The following ITPKC variants were observed in gnomAD, a reference collection of about 807,000 sequenced individuals.
ITPKC encodes the protein IP3 3-kinase C.
Under a neutral mutation model 67.1 loss-of-function variants are expected in ITPKC, and 33 were observed. The ratio of observed to expected loss-of-function variants is 0.49; its 90% CI spans 0.37 to 0.66. ITPKC has a LOEUF of 0.66. Among genes scored for constraint, ITPKC ranks in the 30% least tolerant of loss-of-function variants. The pLI is 0.00. For synonymous variants in ITPKC, 341 were observed against 359.8 expected, an observed-to-expected ratio of 0.95 and a Z score of 0.59; for missense variants, 820 against 892.1, an observed-to-expected ratio of 0.92 and a Z score of 1.03.
chr19:40,718,970 G>A (rs1042681006), intron 1 of ITPKC, among the ~76,000 whole-genome samples: 3 of 152,140 alleles, frequency 2.0e-5, no homozygotes, highest in African/African-American at 7.2e-5. Flanking sequence ...CCCAGCTTGG[G>A]TGTGGCTCTC....
chr19:40,727,804 CA>C (rs533383163), intron 2 of ITPKC, among the ~76,000 whole-genome samples: 344 of 152,274 alleles, frequency 2.3e-3, no homozygotes, highest in Non-Finnish European at 3.5e-3. Flanking sequence ...AATGGGAGAG[CA>C]ATCTATTTTT....
intron 6 of ITPKC, among the ~76,000 whole-genome samples, chr19:40,738,931 G>A (rs1032550899): frequency 2.0e-5 from 3 of 152,128 alleles, no homozygotes; most frequent in African/African-American, 7.2e-5. Flanking sequence ...TGCGGATACA[G>A]CATAGACTTG....
At chr19:40,735,817 A>G (rs557596565) in intron 4 of ITPKC, among the ~76,000 whole-genome samples, 1 of 152,288 alleles carries the variant, frequency 6.6e-6, no homozygotes, top group South Asian at 2.1e-4. Flanking sequence ...ATAACAGATA[A>G]CATTAGTCTC....
chr19:40,739,823 G>C lies in ITPKC; in HGVS notation c.*263G>C, dbSNP rs1471233725. 1 of 530,116 alleles carries C rather than the reference G, an allele frequency of 1.9e-6. No individual in the cohort carries two copies. The highest frequency in any genetic ancestry group is 3.4e-6 in the Non-Finnish European group (1 of 295,356). 32.8% of individuals were successfully genotyped at this position (530,116 alleles called of 1,614,324 possible). On this transcript the variant is annotated 3_prime_UTR_variant, in exon 7 of 7. Transcript: ENST00000263370. ...AGTGAGTCAGAAAAACCAGAACGGGGTCCCCGGATCTGCCGGGAAGGCTTC... is the reference window on the plus strand; with the variant it reads ...AGTGAGTCAGAAAAACCAGAACGGGCTCCCCGGATCTGCCGGGAAGGCTTC...
At chr19:40,738,016 G>A (rs1313611956) in intron 6 of ITPKC, among the ~76,000 whole-genome samples, 5 of 151,132 alleles carry the variant, frequency 3.3e-5, no homozygotes, top group South Asian at 2.1e-4. Context: ...AAAAAAGGCC[G>A]GGTGCAGTGG....
rs748790738 is a variant in ITPKC, at chr19:40,736,970, A to G, written c.1675-16A>G. 2 of 1,542,510 alleles carry G rather than the reference A, an allele frequency of 1.3e-6. No homozygotes were observed. Among genetic ancestry groups the G allele is most frequent in the Non-Finnish European group, 1.8e-6 (2 of 1,131,182 alleles). Reference sequence around the variant, plus strand: ...GAAAAGCCCATGACCCTGCCCCTCCACACCCTGCCCTACAGAAGGCAGATG... The same window carrying G: ...GAAAAGCCCATGACCCTGCCCCTCCGCACCCTGCCCTACAGAAGGCAGATG... On this transcript the variant is annotated splice_polypyrimidine_tract_variant and intron_variant, in intron 4 of 6. Coordinates refer to ENST00000263370, the MANE Select transcript of ITPKC (RefSeq NM_025194.3).
chr19:40,733,138 G>C (rs949615900), intron 3 of ITPKC, 22 bp from the exon 4 acceptor site: 5 of 1,609,248 alleles, frequency 3.1e-6, no homozygotes, highest in Non-Finnish European at 4.3e-6. Flanking sequence ...AATTTCCTTT[G>C]TCACATCCTC....
At chr19:40,731,595 GTTTTTT>G (rs776003885) in intron 3 of ITPKC, among the ~76,000 whole-genome samples, 3 of 81,080 alleles carry the variant, frequency 3.7e-5, no homozygotes, top group Admixed American at 1.5e-4. Flanking sequence ...CCAATCCTTG[GTTTTTT>G]TTTTTTTTTT....
At position 40,739,340 on chromosome 19, in the gene ITPKC, C is replaced by T. The variant is rs779073193; in HGVS notation, c.1849-17C>T. 15 of 1,608,432 alleles carry T rather than the reference C, an allele frequency of 9.3e-6. No homozygotes were observed. Among genetic ancestry groups the T allele is most frequent in the Admixed American group, 3.3e-5 (2 of 59,930 alleles). On this transcript the variant is annotated splice_polypyrimidine_tract_variant and intron_variant, in intron 6 of 6. Transcript: ENST00000263370. Reference sequence around the variant, plus strand: ...AGTGCCTGCTCCTCCCTTAACCTCCCGTCTCTACCCCGGCAGGTGGTAGGC... The same window carrying T: ...AGTGCCTGCTCCTCCCTTAACCTCCTGTCTCTACCCCGGCAGGTGGTAGGC...
chr19:40,740,111 C>G lies in ITPKC; in HGVS notation c.*551C>G, dbSNP rs2082317490. The G allele has an allele frequency of 1.9e-5, 3 of 155,860 alleles. No homozygotes were observed. Among genetic ancestry groups the G allele is most frequent in the Admixed American group, 1.9e-4 (3 of 15,844 alleles). 9.7% of individuals were successfully genotyped at this position (155,860 alleles called of 1,614,324 possible). On this transcript the variant is annotated 3_prime_UTR_variant, in exon 7 of 7. Coordinates refer to ENST00000263370, the MANE Select transcript of ITPKC (RefSeq NM_025194.3). ...AGGGAGCCATTTGAGTGCTGAGCGA[C>G]AAGAGGCTCAGAGGGCATGACCCCA...
intron 6 of ITPKC, among the ~76,000 whole-genome samples, chr19:40,738,221 G>T (rs903527969): frequency 5.9e-5 from 9 of 152,122 alleles, no homozygotes; most frequent in African/African-American, 2.2e-4. Context: ...GAGGTCAGGA[G>T]ATCGAGACCA....
chr19:40,725,253 C>T, intron 1 of ITPKC, 87 bp from the exon 2 acceptor site: 2 of 796,984 alleles, frequency 2.5e-6, no homozygotes, highest in South Asian at 1.5e-5. Context: ...GACTGCAGGT[C>T]CCCTTTCGTT....
rs150721845 is a variant in ITPKC at position 40,718,162 on chromosome 19, C to T, written c.1027C>T (p.Pro343Ser). 1 of 1,595,458 alleles carries T rather than the reference C, an allele frequency of 6.3e-7. No individual in the cohort carries two copies. Among genetic ancestry groups the T allele is most frequent in the Non-Finnish European group, 8.5e-7 (1 of 1,171,168 alleles). Reference sequence around the variant, plus strand: ...TGAGACCCCTGAGCCTGAGGCCCAGCCAGTGGGACCCCCCTCCCGGGTTGA... The same window carrying T: ...TGAGACCCCTGAGCCTGAGGCCCAGTCAGTGGGACCCCCCTCCCGGGTTGA... ...TPETPEPEAQPVGPPSRVEGG... is the reference protein window; with the variant it reads ...TPETPEPEAQSVGPPSRVEGG... Residue 343 changes from proline (P) to serine (S), a missense_variant, in exon 1 of 7, where the codon CCA (proline) becomes TCA (serine). Around this residue, in one of 2 missense-constraint regions of ITPKC, gnomAD observed 481 missense variants for 470.1 expected, o/e 1.02. Transcript: ENST00000263370.
intron 5 of ITPKC, 111 bp from the exon 6 acceptor site, chr19:40,737,587 C>T: frequency 4.3e-6 from 4 of 931,814 alleles, no homozygotes; most frequent in Non-Finnish European, 7.1e-6. Flanking sequence ...CTATTCCATC[C>T]TGGCTAGAGC....
Position 40,740,010 on chromosome 19 carries a change from G to T in ITPKC, c.*450G>T. The T allele has an allele frequency of 5.5e-6, 1 of 180,402 alleles. No individual in the cohort carries two copies. 11.2% of individuals were successfully genotyped at this position (180,402 alleles called of 1,614,324 possible). A position where few individuals can be genotyped will look rare whatever the true frequency, so the allele number is the denominator to read the frequency against. On this transcript the variant is annotated 3_prime_UTR_variant, in exon 7 of 7. Coordinates refer to ENST00000263370, the MANE Select transcript of ITPKC (RefSeq NM_025194.3). ...GGTCAGGCTCATCTGTGGCGCCTCA[G>T]AGGGTCAGCATCATTGGTGAACAGA... is the stretch of plus-strand genomic sequence containing the variant.
At position 40,737,800 on chromosome 19, in the gene ITPKC, A is replaced by G. The variant is rs369988625; in HGVS notation, c.1848+31A>G. On this transcript the variant is annotated intron_variant, in intron 6 of 6. Transcript: ENST00000263370. ...AGCCCTGGCTTCCATGGGTGGATGT[A>G]TGGGTGTCGGGGTCCAGGTGCATGG... The G allele has an allele frequency of 6.3e-5, 99 of 1,578,486 alleles. No homozygotes were observed. In the African/African-American group the frequency reaches 8.9e-4, roughly 14 times the overall value.
rs142714890 is a variant in ITPKC at position 40,720,864 on chromosome 19, G to C, written c.1155+2574G>C. On this transcript the variant is annotated intron_variant, in intron 1 of 6. Coordinates refer to ENST00000263370, the MANE Select transcript of ITPKC (RefSeq NM_025194.3). ...TTTTGAAATCCTCTCTGACCGTAAA[G>C]GCTCAGCTTCCTTTCTCCCTTTCCT... is the stretch of plus-strand genomic sequence containing the variant. 2.2e-3 allele frequency among the ~76,000 whole-genome samples: 339 copies of C among 152,168 alleles called. 3 individuals are homozygous for C. Among genetic ancestry groups the C allele is most frequent in the African/African-American group, 8.0e-3 (330 of 41,500 alleles).
chr19:40,724,053 C>T (rs577153548), intron 1 of ITPKC, among the ~76,000 whole-genome samples: 101 of 152,242 alleles, frequency 6.6e-4, no homozygotes, highest in Middle Eastern at 3.4e-3. Flanking sequence ...ACAAACGTGG[C>T]GAGTCATAAA....
Position 40,717,894 on chromosome 19 carries a change from G to A in ITPKC, c.759G>A (p.Gln253=). 1.2e-6 allele frequency: 2 copies of A among 1,614,124 alleles called. No individual in the cohort carries two copies. The highest frequency in any genetic ancestry group is 1.7e-6 in the Non-Finnish European group (2 of 1,180,016). The change falls in exon 1 of 7, where the codon CAG becomes CAA. Residue 253 remains glutamine, a synonymous_variant. Coordinates refer to ENST00000263370, the MANE Select transcript of ITPKC (RefSeq NM_025194.3). ...ATACTGATGGCTCCCAGAAAAAACA[G>A]GATACTGAAGCAGCCAGGAAACAGC... ...EPYTDGSQKK[Q]DTEAARKQPG...
Sources: gnomAD v4.1 joint callset for allele counts (sites outside exome capture counted in the v4.1 genomes callset) on GRCh38, gnomAD v4.1.1 for gene constraint, gnomAD v4.1.1 regional missense constraint, MANE v1.5 for transcripts, NCBI Gene and HGNC (gene_info 2026-07-23, HGNC 2026-07-21) for gene names.